ZRANB3: variants seen among roughly 807,000 people sequenced by gnomAD.
ZRANB3 encodes the protein DNA annealing helicase and endonuclease ZRANB3.
Under a neutral mutation model 133.8 loss-of-function variants are expected in ZRANB3, and 125 were observed. The observed-to-expected ratio is 0.93, with a 90% confidence interval of 0.81 to 1.08. The LOEUF (loss-of-function observed/expected upper bound fraction) is 1.08, where lower values mean the gene tolerates loss of function less well. Among genes scored for constraint, ZRANB3 ranks in the 50% least tolerant of loss-of-function variants. The pLI is 0.00. For missense variants in ZRANB3, 1,229 were observed against 1,275.5 expected, an observed-to-expected ratio of 0.96 and a Z score of 0.56; for synonymous variants, 387 against 432.7, an observed-to-expected ratio of 0.89 and a Z score of 1.31.
At chr2:135,301,284 CA>C (rs1398902750) in intron 8 of ZRANB3, among the ~76,000 whole-genome samples, 1 of 151,496 alleles carries the variant, frequency 6.6e-6, no homozygotes, top group Admixed American at 6.6e-5. Flanking sequence ...CTCCTGGGTT[CA>C]AGCAATTCTC....
intron 12 of ZRANB3, among the ~76,000 whole-genome samples, chr2:135,231,319 C>G (rs1695002497): frequency 6.6e-6 from 1 of 152,032 alleles, no homozygotes; most frequent in Non-Finnish European, 1.5e-5. Context: ...ATACATTACC[C>G]TAAATATATG....
At chr2:135,351,265 CTTTT>C (rs34205567) in intron 4 of ZRANB3, among the ~76,000 whole-genome samples, 1 of 119,688 alleles carries the variant, frequency 8.4e-6, no homozygotes. Flanking sequence ...CTATAATTTT[CTTTT>C]TTTTTTTTTT....
chr2:135,274,965 T>C lies in ZRANB3; in HGVS notation c.1086+671A>G, dbSNP rs1420791671. Among the ~76,000 whole-genome samples the C allele has an allele frequency of 2.0e-5, 3 of 149,496 alleles. No individual in the cohort carries two copies. The South Asian group carries it at 6.4e-4, about 32-fold the overall frequency. On this transcript the variant is annotated intron_variant, in intron 9 of 20. Transcript: ENST00000264159. ...GGGTAAGGTTATAGATTAACAGCAT[T>C]CCAAGGCAGAAGAATTTTTCTTAGT...
rs188751063 is a variant in ZRANB3 at position 135,245,527 on chromosome 2, A to G, written c.1540-14600T>C. 1.9e-4 allele frequency among the ~76,000 whole-genome samples: 29 copies of G among 152,004 alleles called. No homozygotes were observed. In the East Asian group the frequency reaches 2.6e-3, roughly 13 times the overall value. The stretch of plus-strand genomic sequence containing the variant: ...AGTGAAGTGGCACAATCTTGGCTCA[A>G]TGCAACCTCCGCCTCCCTGGTTCAA... On this transcript the variant is annotated intron_variant, in intron 12 of 20. Transcript: ENST00000264159.
At chr2:135,221,216 G>A (rs768026756) in intron 15 of ZRANB3, among the ~76,000 whole-genome samples, 21 of 152,124 alleles carry the variant, frequency 1.4e-4, no homozygotes, top group Non-Finnish European at 2.9e-4. Flanking sequence ...CTCTGGTTGT[G>A]AAAAGATATG....
intron 3 of ZRANB3, among the ~76,000 whole-genome samples, chr2:135,355,431 G>A (rs536778744): frequency 1.3e-5 from 2 of 150,832 alleles, no homozygotes; most frequent in East Asian, 3.9e-4. Context: ...GCACGATCTC[G>A]GCTCACAGCA....
rs149659657 is a variant in ZRANB3, at chr2:135,289,120, C to CTG, written c.967-13367_967-13366dup. ...GCTGTATCCTAGAGGTTTTGATGGG[C>CTG]TGTGTCACTATTATCATTCAGTTCA... On this transcript the variant is annotated intron_variant, in intron 8 of 20. Coordinates refer to ENST00000264159, the MANE Select transcript of ZRANB3 (RefSeq NM_032143.4). Among the ~76,000 whole-genome samples, 951 of 152,050 alleles carry CTG rather than the reference C, an allele frequency of 6.3e-3. 8 individuals are homozygous for CTG. The highest frequency in any genetic ancestry group is 0.042 in the South Asian group (202 of 4,820).
chr2:135,296,483 T>A (rs1682108977), intron 8 of ZRANB3, among the ~76,000 whole-genome samples: 1 of 150,744 alleles, frequency 6.6e-6, no homozygotes, highest in African/African-American at 2.4e-5. Context: ...ATTCGTCTAA[T>A]TTTTTTTTTC....
intron 8 of ZRANB3, among the ~76,000 whole-genome samples, chr2:135,303,954 C>T (rs1037261364): frequency 5.9e-5 from 9 of 152,036 alleles, no homozygotes; most frequent in Non-Finnish European, 1.0e-4. Context: ...GTATACAGAA[C>T]GAGAAACGAT....
chr2:135,400,852 A>G (rs954631988), intron 2 of ZRANB3, among the ~76,000 whole-genome samples: 8 of 152,230 alleles, frequency 5.3e-5, no homozygotes, highest in Non-Finnish European at 1.2e-4. Flanking sequence ...ATTTATCAAC[A>G]TAATTGGTGG....
intron 2 of ZRANB3, among the ~76,000 whole-genome samples, chr2:135,488,957 C>T (rs961958814): frequency 7.9e-5 from 12 of 151,598 alleles, no homozygotes; most frequent in African/African-American, 2.4e-4. Context: ...CAATTACATA[C>T]AAAAATAGTG....
At chr2:135,384,201 G>T (rs1284688325) in intron 3 of ZRANB3, among the ~76,000 whole-genome samples, 3 of 152,138 alleles carry the variant, frequency 2.0e-5, no homozygotes, top group African/African-American at 7.2e-5. Flanking sequence ...TACCAACAGA[G>T]AATACTATAA....
intron 2 of ZRANB3, among the ~76,000 whole-genome samples, chr2:135,453,982 C>T (rs1477895635): frequency 3.3e-5 from 5 of 152,174 alleles, no homozygotes; most frequent in Admixed American, 6.5e-5. Context: ...ATTGGACTTA[C>T]GGTTCCACAT....
At chr2:135,476,900 TTA>T (rs921527597) in intron 2 of ZRANB3, among the ~76,000 whole-genome samples, 3 of 152,024 alleles carry the variant, frequency 2.0e-5, no homozygotes, top group Non-Finnish European at 4.4e-5. Flanking sequence ...AAGAAATTTT[TTA>T]TAGACACAGG....
intron 3 of ZRANB3, among the ~76,000 whole-genome samples, chr2:135,379,310 T>A (rs2104909482): frequency 6.6e-6 from 1 of 152,200 alleles, no homozygotes; most frequent in East Asian, 1.9e-4. Flanking sequence ...CTTTTAATGC[T>A]ATCACCTTCA....
chr2:135,313,166 T>G (rs1317349774), intron 8 of ZRANB3, among the ~76,000 whole-genome samples: 1 of 151,794 alleles, frequency 6.6e-6, no homozygotes, highest in Non-Finnish European at 1.5e-5. Context: ...ACTGTTTACT[T>G]TGAGTATGTC....
intron 6 of ZRANB3, among the ~76,000 whole-genome samples, chr2:135,317,073 TACC>T (rs1683300035): frequency 6.6e-6 from 1 of 150,834 alleles, no homozygotes; most frequent in Non-Finnish European, 1.5e-5. Context: ...ATTATACACA[TACC>T]ATTTAGTTGT....
chr2:135,299,672 T>G (rs1682337063), intron 8 of ZRANB3, among the ~76,000 whole-genome samples: 1 of 152,214 alleles, frequency 6.6e-6, no homozygotes, highest in African/African-American at 2.4e-5. Context: ...GATAATCTAA[T>G]AACACCACTA....
intron 2 of ZRANB3, among the ~76,000 whole-genome samples, chr2:135,416,860 A>C (rs1688599040): frequency 6.6e-6 from 1 of 152,230 alleles, no homozygotes; most frequent in South Asian, 2.1e-4. Flanking sequence ...CAATGGGGAA[A>C]GGATTCCCTA....
Sources: gnomAD v4.1 joint callset for allele counts (sites outside exome capture counted in the v4.1 genomes callset) on GRCh38, gnomAD v4.1.1 for gene constraint, MANE v1.5 for transcripts, NCBI Gene and HGNC (gene_info 2026-07-23, HGNC 2026-07-21) for gene names.